MYRIP: variants seen among roughly 807,000 people sequenced by gnomAD.
MYRIP encodes the protein rab effector MyRIP.
MYRIP carries 49 observed loss-of-function variants against 98.0 expected under a neutral mutation model. The observed-to-expected ratio is 0.50, with a 90% CI of 0.40 to 0.63. The LOEUF (loss-of-function observed/expected upper bound fraction) is 0.63. Among genes scored for constraint, MYRIP ranks in the 30% least tolerant of loss-of-function variants. The pLI is 0.00. For missense variants in MYRIP, 1,004 were observed against 1,058.2 expected (o/e 0.95, Z 0.71); for synonymous variants, 404 against 409.5 (o/e 0.99, Z 0.16).
chr3:40,048,810 A>G (rs1027815623), intron 3 of MYRIP, among the ~76,000 whole-genome samples: 2 of 152,128 alleles, frequency 1.3e-5, no homozygotes, highest in South Asian at 2.1e-4. Flanking sequence ...TAGCTTTGGG[A>G]GATTAAAAAA....
chr3:39,973,415 AC>A (rs1340925824), intron 2 of MYRIP, among the ~76,000 whole-genome samples: 1 of 152,112 alleles, frequency 6.6e-6, no homozygotes, highest in Non-Finnish European at 1.5e-5. Flanking sequence ...GTCCTTAGAG[AC>A]CTACAAAGAG....
At chr3:40,135,649 C>G (rs1401254245) in intron 3 of MYRIP, among the ~76,000 whole-genome samples, 1 of 152,182 alleles carries the variant, frequency 6.6e-6, no homozygotes, top group Non-Finnish European at 1.5e-5. Context: ...TCGGGTTACC[C>G]ACAAAGGGAA....
chr3:40,160,996 G>A (rs1285198245), intron 4 of MYRIP, among the ~76,000 whole-genome samples: 1 of 152,186 alleles, frequency 6.6e-6, no homozygotes, highest in Non-Finnish European at 1.5e-5. Context: ...GTAGACCGGA[G>A]CTGTTCCTAT....
intron 12 of MYRIP, 146 bp from the exon 13 acceptor site, chr3:40,244,300 G>A (rs1485045722): frequency 3.2e-6 from 2 of 630,606 alleles, no homozygotes; most frequent in South Asian, 3.5e-5. Context: ...TGTGAAGAAC[G>A]TTTATAAATG....
chr3:40,244,513 G>A lies in MYRIP; in HGVS notation c.2168G>A (p.Arg723His), dbSNP rs773336851. The change falls in exon 13 of 17, where the codon CGC (arginine) becomes CAC (histidine). Residue 723 changes from arginine to histidine, a missense_variant. Coordinates refer to ENST00000302541, the MANE Select transcript of MYRIP (RefSeq NM_015460.4). ...TQLTELEDAA[R>H]CIHSGTDETH... Reference sequence around the variant, plus strand: ...CTGACTGAGCTAGAAGATGCCGCCCGCTGCATCCACAGTGGCACTGATGAG... The same window carrying A: ...CTGACTGAGCTAGAAGATGCCGCCCACTGCATCCACAGTGGCACTGATGAG... 13 of 1,613,772 alleles carry A rather than the reference G, an allele frequency of 8.1e-6. No homozygotes were observed. The highest frequency in any genetic ancestry group is 5.5e-5 in the South Asian group (5 of 91,064).
intron 2 of MYRIP, among the ~76,000 whole-genome samples, chr3:40,023,981 C>A: frequency 6.6e-6 from 1 of 152,136 alleles, no homozygotes; most frequent in East Asian, 1.9e-4. Context: ...GCACAGTTTT[C>A]TCTAAGATTA....
chr3:40,026,279 C>T (rs993684903), intron 2 of MYRIP, among the ~76,000 whole-genome samples: 16 of 152,100 alleles, frequency 1.1e-4, no homozygotes, highest in African/African-American at 2.9e-4. Flanking sequence ...CTATTTTGTC[C>T]GACCCCGCAG....
chr3:39,876,119 C>T (rs1421607180), intron 1 of MYRIP, among the ~76,000 whole-genome samples: 1 of 152,038 alleles, frequency 6.6e-6, no homozygotes, highest in Non-Finnish European at 1.5e-5. Flanking sequence ...CTCTTTTGAT[C>T]TTTGTTGGTT....
intron 2 of MYRIP, among the ~76,000 whole-genome samples, chr3:40,019,066 T>A (rs1297990686): frequency 6.6e-6 from 1 of 152,192 alleles, no homozygotes; most frequent in African/African-American, 2.4e-5. Flanking sequence ...AACTAATGTC[T>A]CTCCTCTGAT....
Position 40,258,319 on chromosome 3 carries a change from T to A in MYRIP, c.*153T>A. The A allele has an allele frequency of 1.2e-6, 1 of 817,846 alleles. No individual in the cohort carries two copies. The highest frequency in any genetic ancestry group is 2.0e-6 in the Non-Finnish European group (1 of 500,348). 50.7% of individuals were successfully genotyped at this position (817,846 alleles called of 1,614,324 possible). ...CATTGCACAGGGCTGTCCTGATACC[T>A]CATCCAGAAAGCCGTCTCAGACTTC... is the stretch of plus-strand genomic sequence containing the variant. On this transcript the variant is annotated 3_prime_UTR_variant, in exon 17 of 17. Transcript: ENST00000302541.
intron 11 of MYRIP, among the ~76,000 whole-genome samples, chr3:40,213,659 T>C (rs983550930): frequency 7.2e-6 from 1 of 138,948 alleles, no homozygotes; most frequent in East Asian, 2.2e-4. Flanking sequence ...GGGGAGTAGA[T>C]CTACGGTAAT....
At chr3:40,039,551 A>G (rs1461568144) in intron 2 of MYRIP, among the ~76,000 whole-genome samples, 3 of 152,094 alleles carry the variant, frequency 2.0e-5, no homozygotes, top group Non-Finnish European at 4.4e-5. Flanking sequence ...TTTCTTTAAG[A>G]AAAAGAACAA....
At chr3:40,043,401 T>A (rs992795430) in intron 2 of MYRIP, among the ~76,000 whole-genome samples, 1 of 152,156 alleles carries the variant, frequency 6.6e-6, no homozygotes. Flanking sequence ...TTCTTCTCAC[T>A]GAGCACAGAG....
chr3:40,012,981 T>G (rs1413812488), intron 2 of MYRIP, among the ~76,000 whole-genome samples: 1 of 152,182 alleles, frequency 6.6e-6, no homozygotes, highest in Non-Finnish European at 1.5e-5. Flanking sequence ...CTTCCTTCAC[T>G]GCCCTGCCAG....
At chr3:40,252,044 T>C in intron 16 of MYRIP, 45 bp downstream of exon 16, 1 of 1,396,390 alleles carries the variant, frequency 7.2e-7, no homozygotes, top group Non-Finnish European at 1.0e-6. Context: ...TCACTGTTGA[T>C]GGTACCTCCA....
intron 1 of MYRIP, among the ~76,000 whole-genome samples, chr3:39,842,759 C>G (rs6797398): frequency 2.0e-5 from 3 of 152,126 alleles, no homozygotes; most frequent in African/African-American, 4.8e-5. Flanking sequence ...GATTACCCCC[C>G]CTGCTTCTGT....
chr3:39,882,226 T>C (rs1943172766), intron 1 of MYRIP, among the ~76,000 whole-genome samples: 1 of 152,014 alleles, frequency 6.6e-6, no homozygotes, highest in African/African-American at 2.4e-5. Flanking sequence ...GTGGAAGTGG[T>C]TGGTGTTTTG....
intron 2 of MYRIP, among the ~76,000 whole-genome samples, chr3:39,950,522 G>C (rs1184724741): frequency 4.6e-5 from 7 of 152,086 alleles, no homozygotes; most frequent in Admixed American, 2.0e-4. Flanking sequence ...TGAGATGATT[G>C]CTTTCTCTAA....
chr3:40,051,322 CAACA>C (rs1338931826), intron 3 of MYRIP, among the ~76,000 whole-genome samples: 2 of 152,208 alleles, frequency 1.3e-5, no homozygotes, highest in Non-Finnish European at 2.9e-5. Flanking sequence ...GACCCTCAAC[CAACA>C]AACAGATTAC....
Sources: gnomAD v4.1 joint callset for allele counts (sites outside exome capture counted in the v4.1 genomes callset) on GRCh38, gnomAD v4.1.1 for gene constraint, MANE v1.5 for transcripts, NCBI Gene and HGNC (gene_info 2026-07-23, HGNC 2026-07-21) for gene names.